Variants in CNTNAP4 observed in about 807,000 individuals in gnomAD.
The protein encoded by CNTNAP4 is contactin-associated protein-like 4.
Under a neutral mutation model 148.4 loss-of-function variants are expected in CNTNAP4, and 98 were observed. The observed-to-expected ratio is 0.66, with a 90% CI of 0.56 to 0.78. CNTNAP4 has a LOEUF of 0.78. Among genes scored for constraint, CNTNAP4 ranks in the 30% least tolerant of loss-of-function variants. The pLI is 0.00. For synonymous variants in CNTNAP4, 730 were observed against 565.1 expected, an observed-to-expected ratio of 1.29 and a Z score of -4.14; for missense variants, 1,935 against 1,565.6, an observed-to-expected ratio of 1.24 and a Z score of -3.98.
At position 76,521,171 on chromosome 16, in the gene CNTNAP4, C is replaced by G. The variant is rs775480620; in HGVS notation, c.2397C>G (p.Thr799=). 8 of 1,600,816 alleles carry G rather than the reference C, an allele frequency of 5.0e-6. No individual in the cohort carries two copies. The highest frequency in any genetic ancestry group is 2.7e-5 in the African/African-American group (2 of 73,218). Residue 799 remains threonine (T), a synonymous_variant, in exon 16 of 24, where the codon ACC becomes ACG. Transcript: ENST00000611870. ...RSFWNSASFD[T]EASYLHFPTF... ...TTTGGAATTCAGCTTCCTTTGATAC[C>G]GAGGCTTCATATCTTCATTTTCCTA...
intron 3 of CNTNAP4, among the ~76,000 whole-genome samples, chr16:76,409,503 G>C (rs1051689557): frequency 6.6e-6 from 1 of 151,922 alleles, no homozygotes; most frequent in African/African-American, 2.4e-5. Context: ...TGGATATTTA[G>C]GAACTTCTGG....
chr16:76,451,599 A>ATGTGTGTGTGTGTGTGTGTG lies in CNTNAP4; in HGVS notation c.1072-893_1072-874dup, dbSNP rs71134761. 1.7e-3 allele frequency among the ~76,000 whole-genome samples: 238 copies of ATGTGTGTGTGTGTGTGTGTG among 141,344 alleles called. 1 individual carries two copies. The highest frequency in any genetic ancestry group is 4.2e-3 in the African/African-American group (163 of 38,932). 92.7% of individuals were successfully genotyped at this position (141,344 alleles called of 152,430 possible). A position where few individuals can be genotyped will look rare whatever the true frequency, so the allele number is the denominator to read the frequency against. ...ATAAAAATAAAAATATTTTAGATAG[A>ATGTGTGTGTGTGTGTGTGTG]TGTGTGTGTGTGTGTGTGTGTGTGT... On this transcript the variant is annotated intron_variant, in intron 7 of 23. Transcript: ENST00000611870.
At chr16:76,426,902 C>A (rs532033197) in intron 3 of CNTNAP4, among the ~76,000 whole-genome samples, 22 of 152,276 alleles carry the variant, frequency 1.4e-4, no homozygotes, top group Admixed American at 5.2e-4. Context: ...GTGTATCTGG[C>A]ATTGTGCTGC....
At chr16:76,295,955 G>A (rs566552076) in intron 1 of CNTNAP4, among the ~76,000 whole-genome samples, 5 of 152,156 alleles carry the variant, frequency 3.3e-5, no homozygotes, top group South Asian at 2.1e-4. Context: ...GTAGACTAGC[G>A]GAGATTACAG....
chr16:76,505,367 G>A (rs1422325606), intron 15 of CNTNAP4, among the ~76,000 whole-genome samples: 2 of 97,580 alleles, frequency 2.0e-5, no homozygotes, highest in African/African-American at 5.1e-5. Flanking sequence ...AGTGAAAGAA[G>A]CCAGACTAAA....
chr16:76,502,041 C>T (rs1387426896), intron 15 of CNTNAP4, among the ~76,000 whole-genome samples: 1 of 151,036 alleles, frequency 6.6e-6, no homozygotes, highest in Non-Finnish European at 1.5e-5. Context: ...TGCACTCCAG[C>T]CTGGGCGACA....
intron 2 of CNTNAP4, among the ~76,000 whole-genome samples, chr16:76,351,287 C>T (rs111734802): frequency 2.0e-5 from 3 of 152,000 alleles, no homozygotes; most frequent in Non-Finnish European, 2.9e-5. Flanking sequence ...TTGGCGGTGG[C>T]CATACGGCTG....
At chr16:76,391,848 G>T (rs1177155016) in intron 3 of CNTNAP4, among the ~76,000 whole-genome samples, 1 of 152,170 alleles carries the variant, frequency 6.6e-6, no homozygotes, top group Non-Finnish European at 1.5e-5. Context: ...GTCAGAATCT[G>T]CATTTTAATA....
chr16:76,505,591 A>G lies in CNTNAP4; in HGVS notation c.2365+6897A>G, dbSNP rs145291158. On this transcript the variant is annotated intron_variant, in intron 15 of 23. Coordinates refer to ENST00000611870, the MANE Select transcript of CNTNAP4 (RefSeq NM_033401.5). ...GGTCCTTTTCAACTTCTAGAGCTAC[A>G]CACAAAAACAGGCTGAGTTGTACTC... Among the ~76,000 whole-genome samples, 686 of 97,668 alleles carry G rather than the reference A, an allele frequency of 7.0e-3. 106 individuals carry two copies. The highest frequency in any genetic ancestry group is 0.016 in the African/African-American group (631 of 39,066). 64.1% of individuals were successfully genotyped at this position (97,668 alleles called of 152,430 possible). A position where few individuals can be genotyped will look rare whatever the true frequency, so the allele number is the denominator to read the frequency against.
At chr16:76,518,129 T>G in intron 15 of CNTNAP4, among the ~76,000 whole-genome samples, 1 of 151,320 alleles carries the variant, frequency 6.6e-6, no homozygotes, top group African/African-American at 2.5e-5. Flanking sequence ...TATTATTTTA[T>G]TTATTTATTA....
intron 3 of CNTNAP4, among the ~76,000 whole-genome samples, chr16:76,423,930 A>C (rs1022309773): frequency 1.3e-5 from 2 of 152,046 alleles, no homozygotes; most frequent in Non-Finnish European, 2.9e-5. Context: ...CCATTATTTT[A>C]TTATTATAAA....
intron 2 of CNTNAP4, among the ~76,000 whole-genome samples, chr16:76,351,414 GTCTA>G (rs2011739736): frequency 1.3e-5 from 2 of 151,532 alleles, no homozygotes; most frequent in African/African-American, 4.8e-5. Context: ...CTATCGCTCA[GTCTA>G]TCTGTCTAGC....
At chr16:76,445,386 A>G (rs2080201879) in intron 4 of CNTNAP4, among the ~76,000 whole-genome samples, 1 of 152,172 alleles carries the variant, frequency 6.6e-6, no homozygotes, top group South Asian at 2.1e-4. Context: ...GGCCATATTT[A>G]TGTTGAATTT....
In CNTNAP4 at chr16:76,371,278, G is replaced by A. The variant is rs367793665; in HGVS notation, c.390+15767G>A. On this transcript the variant is annotated intron_variant, in intron 3 of 23. Transcript: ENST00000611870. The stretch of plus-strand genomic sequence containing the variant: ...TGTACCTTAATACACATCTGTTTTC[G>A]TTTTTTGTTTTGTTTTGTTTTGTTT... Among the ~76,000 whole-genome samples the A allele has an allele frequency of 2.2e-4, 34 of 151,942 alleles. No homozygotes were observed. In the East Asian group the frequency reaches 4.1e-3, roughly 18 times the overall value.
intron 3 of CNTNAP4, among the ~76,000 whole-genome samples, chr16:76,424,449 G>A (rs181156214): frequency 6.6e-6 from 1 of 152,242 alleles, no homozygotes; most frequent in Admixed American, 6.5e-5. Context: ...AATTTGGAAA[G>A]CTTGTAAAGA....
intron 13 of CNTNAP4, 68 bp from the exon 14 acceptor site, chr16:76,494,842 G>A: frequency 6.9e-7 from 1 of 1,439,762 alleles, no homozygotes; most frequent in Middle Eastern, 1.8e-4. Context: ...GGAAGAAAAG[G>A]AATTATATTG....
chr16:76,310,628 C>G (rs545197117), intron 1 of CNTNAP4, among the ~76,000 whole-genome samples: 2 of 152,260 alleles, frequency 1.3e-5, no homozygotes, highest in South Asian at 2.1e-4. Flanking sequence ...ATGATTTAAA[C>G]TATGTTTGCT....
In CNTNAP4 at chr16:76,479,513, A is replaced by G. The variant is rs566460782; in HGVS notation, c.1857A>G (p.Pro619=). The change falls in exon 12 of 24, where the codon CCA becomes CCG. Residue 619 remains proline, a synonymous_variant. Coordinates refer to ENST00000611870, the MANE Select transcript of CNTNAP4 (RefSeq NM_033401.5). The stretch of plus-strand genomic sequence containing the variant: ...CAGATGGAAGTGGTCCCCTGGAACC[A>G]TTTCTTCTATATTGCAATATGACCG... ...IDSDGSGPLE[P]FLLYCNMTET... The G allele has an allele frequency of 1.2e-6, 2 of 1,610,582 alleles. No individual in the cohort carries two copies. The highest frequency in any genetic ancestry group is 1.7e-6 in the Non-Finnish European group (2 of 1,178,700).
At chr16:76,312,271 A>G (rs559489038) in intron 1 of CNTNAP4, among the ~76,000 whole-genome samples, 2 of 152,320 alleles carry the variant, frequency 1.3e-5, no homozygotes, top group Admixed American at 6.5e-5. Context: ...TTGTGATGAC[A>G]AAAGTGTCTT....
Sources: allele counts gnomAD v4.1 joint callset (sites outside exome capture counted in the v4.1 genomes callset), GRCh38; gene constraint gnomAD v4.1.1; transcripts MANE v1.5; gene names NCBI Gene and HGNC (gene_info 2026-07-23, HGNC 2026-07-21).